Variants in HSD17B12 observed in about 807,000 individuals in gnomAD.
The protein encoded by HSD17B12 is hydroxysteroid 17-beta dehydrogenase 12.
Under a neutral mutation model 39.3 loss-of-function variants are expected in HSD17B12, and 32 were observed. That is an observed-to-expected ratio of 0.81 (90% CI 0.61 to 1.09). The LOEUF (loss-of-function observed/expected upper bound fraction) is 1.09, where lower values mean the gene tolerates loss of function less well. Ranked by LOEUF, HSD17B12 falls within the 50% of genes least tolerant of loss-of-function variation. The pLI is 0.00. For synonymous variants in HSD17B12, 150 were observed against 146.7 expected, an observed-to-expected ratio of 1.02 and a Z score of -0.16; for missense variants, 342 against 382.9, an observed-to-expected ratio of 0.89 and a Z score of 0.89.
At chr11:43,836,391 A>G (rs1173878287) in intron 7 of HSD17B12, among the ~76,000 whole-genome samples, 2 of 152,182 alleles carry the variant, frequency 1.3e-5, no homozygotes, top group South Asian at 2.1e-4. Flanking sequence ...TACTTCTTAG[A>G]AAGCATATTG....
chr11:43,632,257 A>AGAT, the HSD17B12 span, among the ~76,000 whole-genome samples: 2 of 152,226 alleles, frequency 1.3e-5, no homozygotes, highest in African/African-American at 4.8e-5. Flanking sequence ...GAATTGAATT[A>AGAT]GATGATCTCT....
At chr11:43,705,761 CTTTTTTTTTTT>C (rs56979348) in intron 1 of HSD17B12, among the ~76,000 whole-genome samples, 1 of 62,476 alleles carries the variant, frequency 1.6e-5, no homozygotes, top group Non-Finnish European at 2.9e-5. Flanking sequence ...CCTCTCTCCT[CTTTTTTTTTTT>C]TTTTTTTTTT....
chr11:43,679,801 T>C (rs555090222), upstream of HSD17B12, among the ~76,000 whole-genome samples: 11 of 152,214 alleles, frequency 7.2e-5, no homozygotes, highest in South Asian at 4.1e-4. Context: ...CCCCAAATCG[T>C]TGGGAACTAA....
the HSD17B12 span, among the ~76,000 whole-genome samples, chr11:43,621,290 G>T: frequency 2.0e-5 from 3 of 152,182 alleles, no homozygotes; most frequent in African/African-American, 7.2e-5. Context: ...GGTAGATCAA[G>T]AGCAAAGGGA....
chr11:43,787,760 A>G (rs1369263507), intron 3 of HSD17B12, among the ~76,000 whole-genome samples: 2 of 151,846 alleles, frequency 1.3e-5, no homozygotes, highest in East Asian at 1.9e-4. Flanking sequence ...AATAATAATA[A>G]TAATAGTAAA....
At chr11:43,843,851 C>T (rs1951449762) in intron 9 of HSD17B12, among the ~76,000 whole-genome samples, 1 of 152,192 alleles carries the variant, frequency 6.6e-6, no homozygotes, top group African/African-American at 2.4e-5. Context: ...CCTGTCTCCC[C>T]ACTTCCATGT....
At chr11:43,609,001 T>G in the HSD17B12 span, among the ~76,000 whole-genome samples, 18 of 152,142 alleles carry the variant, frequency 1.2e-4, no homozygotes, top group Admixed American at 3.3e-4. Context: ...CACAGTTCAC[T>G]GCAGCCTCGA....
intron 9 of HSD17B12, among the ~76,000 whole-genome samples, chr11:43,845,572 C>T (rs1451207393): frequency 6.6e-6 from 1 of 152,270 alleles, no homozygotes; most frequent in East Asian, 1.9e-4. Flanking sequence ...ATACATTCCT[C>T]ATTTGGGGTT....
At chr11:43,601,802 GA>G in the HSD17B12 span, among the ~76,000 whole-genome samples, 5 of 152,164 alleles carry the variant, frequency 3.3e-5, no homozygotes, top group Admixed American at 1.3e-4. Flanking sequence ...CAGTGAAGAA[GA>G]AAAACACTAA....
At chr11:43,579,836 C>T in the HSD17B12 span, among the ~76,000 whole-genome samples, 5 of 151,746 alleles carry the variant, frequency 3.3e-5, no homozygotes, top group African/African-American at 9.7e-5. Context: ...CGTCGAGAGA[C>T]GTTTTCTCCG....
chr11:43,716,345 T>TAAGG (rs1424190093), intron 1 of HSD17B12, among the ~76,000 whole-genome samples: 1 of 152,184 alleles, frequency 6.6e-6, no homozygotes, highest in Non-Finnish European at 1.5e-5. Context: ...TGAATGTCCT[T>TAAGG]AAGTATAACA....
the HSD17B12 span, among the ~76,000 whole-genome samples, chr11:43,600,109 C>T: frequency 6.6e-6 from 1 of 152,082 alleles, no homozygotes; most frequent in African/African-American, 2.4e-5. Flanking sequence ...TTTACTGTTA[C>T]ATCACATTAT....
intron 1 of HSD17B12, among the ~76,000 whole-genome samples, chr11:43,720,177 G>T (rs1355980202): frequency 9.9e-5 from 15 of 152,152 alleles, no homozygotes; most frequent in Non-Finnish European, 1.5e-5. Flanking sequence ...TTCGCCAGTT[G>T]TAGAGACTGT....
chr11:43,794,200 A>G (rs1159857304), intron 3 of HSD17B12, among the ~76,000 whole-genome samples: 1 of 152,222 alleles, frequency 6.6e-6, no homozygotes, highest in Non-Finnish European at 1.5e-5. Context: ...GCTAGCTCAT[A>G]CAATTTCAGA....
the HSD17B12 span, among the ~76,000 whole-genome samples, chr11:43,658,533 T>A: frequency 6.6e-6 from 1 of 152,238 alleles, no homozygotes; most frequent in Non-Finnish European, 1.5e-5. Flanking sequence ...TTTATCTACC[T>A]GTGGTCTTTG....
chr11:43,789,245 CAT>C, intron 3 of HSD17B12, among the ~76,000 whole-genome samples: 1 of 152,214 alleles, frequency 6.6e-6, no homozygotes, highest in Non-Finnish European at 1.5e-5. Flanking sequence ...TGGGTTTACA[CAT>C]ATCTCCTTCA....
At chr11:43,854,043 C>G (rs1031290910) in intron 9 of HSD17B12, 2 of 152,186 alleles carry the variant, frequency 1.3e-5, no homozygotes, top group Admixed American at 1.3e-4. Context: ...AAGGTCATGT[C>G]CAGATTTGTC....
At chr11:43,626,974 G>A in the HSD17B12 span, among the ~76,000 whole-genome samples, 1 of 152,106 alleles carries the variant, frequency 6.6e-6, no homozygotes, top group South Asian at 2.1e-4. Context: ...AGGAGGGGCA[G>A]CTTAGTTTTG....
chr11:43,733,827 A>G, intron 1 of HSD17B12: 1 of 695,750 alleles, frequency 1.4e-6, no homozygotes, highest in Non-Finnish European at 2.6e-6. Flanking sequence ...GAGGTGTGGT[A>G]AACTCTGCCT....
Sources: gnomAD v4.1 joint callset for allele counts (sites outside exome capture counted in the v4.1 genomes callset) on GRCh38, gnomAD v4.1.1 for gene constraint, MANE v1.5 for transcripts, NCBI Gene and HGNC (gene_info 2026-07-23, HGNC 2026-07-21) for gene names.